MTMR8: variants seen among roughly 807,000 people sequenced by gnomAD.
The protein encoded by MTMR8 is phosphatidylinositol-3,5-bisphosphate 3-phosphatase MTMR8.
MTMR8 carries 65 observed loss-of-function variants against 39.3 expected under a neutral mutation model. The ratio of observed to expected loss-of-function variants is 1.65; its 90% CI spans 1.35 to 2.03. MTMR8 has a LOEUF of 2.03. Ranked by LOEUF, MTMR8 falls within the 30% of genes most tolerant of loss-of-function variation. The pLI is 0.00. For synonymous variants in MTMR8, 245 were observed against 185.2 expected (o/e 1.32, Z -2.62); for missense variants, 777 against 538.9 (o/e 1.44, Z -4.37).
At chrX:64,279,936 A>G (rs1192929932) in intron 12 of MTMR8, among the ~76,000 whole-genome samples, 1 of 112,153 alleles carries the variant, frequency 8.9e-6, no homozygotes, top group Non-Finnish European at 1.9e-5. Flanking sequence ...ATCCACATGC[A>G]AAAGAATGAA....
intron 12 of MTMR8, among the ~76,000 whole-genome samples, chrX:64,311,332 T>G (rs1458924429): frequency 8.9e-6 from 1 of 111,822 alleles, no homozygotes; most frequent in Non-Finnish European, 1.9e-5. Context: ...CTTTGCCCAC[T>G]TTTTGATGGG....
chrX:64,311,934 G>C (rs1922316899), intron 12 of MTMR8, among the ~76,000 whole-genome samples: 2 of 110,990 alleles, frequency 1.8e-5, no homozygotes, highest in South Asian at 7.7e-4. Context: ...AAGTCAGGTA[G>C]CGTGATGCCT....
chrX:64,391,011 G>A (rs1924678010), intron 1 of MTMR8, among the ~76,000 whole-genome samples: 1 of 112,002 alleles, frequency 8.9e-6, no homozygotes, highest in Admixed American at 9.5e-5. Context: ...ATTTGGAGTT[G>A]TACAACCATC....
At chrX:64,285,091 A>G (rs1921109531) in intron 12 of MTMR8, among the ~76,000 whole-genome samples, 1 of 111,622 alleles carries the variant, frequency 9.0e-6, no homozygotes, top group Non-Finnish European at 1.9e-5. Flanking sequence ...TCACGTGCAG[A>G]GACACACTTA....
intron 11 of MTMR8, among the ~76,000 whole-genome samples, chrX:64,330,797 G>C (rs1323879948): frequency 8.9e-6 from 1 of 111,766 alleles, no homozygotes; most frequent in African/African-American, 3.2e-5. Context: ...AGCTCTAGCT[G>C]TTTATTATCA....
At chrX:64,289,267 G>C (rs1253691056) in intron 12 of MTMR8, among the ~76,000 whole-genome samples, 1 of 110,552 alleles carries the variant, frequency 9.0e-6, no homozygotes, top group East Asian at 2.8e-4. Context: ...AAAGAACAAA[G>C]AATAACAAGT....
intron 12 of MTMR8, among the ~76,000 whole-genome samples, chrX:64,279,172 C>T (rs777634112): frequency 1.4e-4 from 16 of 111,924 alleles, no homozygotes; most frequent in Non-Finnish European, 3.8e-5. Context: ...TGCCCAAAGC[C>T]ACCCCTTCCC....
intron 12 of MTMR8, chrX:64,306,564 G>A (rs1288019396): frequency 8.5e-6 from 1 of 117,039 alleles, no homozygotes; most frequent in Non-Finnish European, 1.8e-5. Context: ...ATTTGTATCA[G>A]TCTTCACAGG....
intron 3 of MTMR8, 32 bp downstream of exon 3, chrX:64,356,144 A>G: frequency 1.7e-6 from 2 of 1,171,215 alleles, no homozygotes; most frequent in Non-Finnish European, 2.3e-6. Flanking sequence ...AAATATTAAA[A>G]TGGTTTTAGA....
intron 12 of MTMR8, among the ~76,000 whole-genome samples, chrX:64,286,216 G>C (rs774127181): frequency 1.8e-5 from 2 of 112,221 alleles, no homozygotes; most frequent in African/African-American, 6.5e-5. Context: ...AAATAAACTA[G>C]AAAATCTAGA....
At chrX:64,390,553 T>C (rs187687375) in intron 1 of MTMR8, among the ~76,000 whole-genome samples, 1 of 112,385 alleles carries the variant, frequency 8.9e-6, no homozygotes, top group Admixed American at 9.4e-5. Flanking sequence ...AGTTTTCACA[T>C]CTGTGAAATG....
rs748919695 is a variant in MTMR8, at chrX:64,395,196, T to C, written c.24+144A>G. 8.5e-6 allele frequency: 5 copies of C among 590,234 alleles called. No individual in the cohort carries two copies. The African/African-American group carries it at 9.0e-5, about 11-fold the overall frequency. 48.6% of individuals were successfully genotyped at this position (590,234 alleles called of 1,213,427 possible). On this transcript the variant is annotated intron_variant, in intron 1 of 13. Transcript: ENST00000374852. ...AGAGGTGTTTGGTTGAAAGGGGGTG[T>C]GGACCCAGAAAGAGAACCCGGGACC...
At chrX:64,288,761 C>A (rs1024593084) in intron 12 of MTMR8, among the ~76,000 whole-genome samples, 1 of 110,510 alleles carries the variant, frequency 9.0e-6, no homozygotes, top group African/African-American at 3.3e-5. Flanking sequence ...AGCAAACTAT[C>A]GCAAGGACAA....
chrX:64,284,887 C>T (rs1277493233), intron 12 of MTMR8, among the ~76,000 whole-genome samples: 2 of 112,073 alleles, frequency 1.8e-5, no homozygotes, highest in Non-Finnish European at 3.8e-5. Context: ...ATCGTAAAGA[C>T]CATCGAAGCT....
At chrX:64,389,257 G>A (rs961969883) in intron 1 of MTMR8, among the ~76,000 whole-genome samples, 16 of 111,643 alleles carry the variant, frequency 1.4e-4, no homozygotes, top group African/African-American at 4.9e-4. Flanking sequence ...ACAGTCTAAG[G>A]TCACATAGCA....
chrX:64,283,086 T>C (rs1467873477), intron 12 of MTMR8, among the ~76,000 whole-genome samples: 2 of 112,010 alleles, frequency 1.8e-5, no homozygotes, highest in African/African-American at 3.2e-5. Flanking sequence ...CAAGCAAAGC[T>C]GTGACAGATG....
At chrX:64,375,427 A>G (rs748698563) in intron 1 of MTMR8, among the ~76,000 whole-genome samples, 2 of 111,819 alleles carry the variant, frequency 1.8e-5, no homozygotes, top group African/African-American at 6.5e-5. Context: ...GTTGAAGTAC[A>G]TATATTAATA....
chrX:64,331,316 C>T (rs1922932845), intron 11 of MTMR8: 1 of 379,426 alleles, frequency 2.6e-6, no homozygotes, highest in Admixed American at 4.3e-5. Flanking sequence ...CATTATTTTA[C>T]TGGATCCTCA....
At chrX:64,392,486 T>C (rs1924713405) in intron 1 of MTMR8, among the ~76,000 whole-genome samples, 1 of 111,777 alleles carries the variant, frequency 8.9e-6, no homozygotes, top group South Asian at 3.7e-4. Context: ...AAGAGTAAAA[T>C]GAATGTATCC....
Sources: allele counts gnomAD v4.1 joint callset (sites outside exome capture counted in the v4.1 genomes callset), GRCh38; gene constraint gnomAD v4.1.1; transcripts MANE v1.5; gene names NCBI Gene and HGNC (gene_info 2026-07-23, HGNC 2026-07-21).